The following GFOD2 variants were observed in gnomAD, a reference collection of about 807,000 sequenced individuals.
The protein encoded by GFOD2 is Gfo/Idh/MocA-like oxidoreductase domain containing 2.
Under a neutral mutation model 24.6 loss-of-function variants are expected in GFOD2, and 9 were observed. The observed-to-expected ratio is 0.37, with a 90% CI of 0.22 to 0.64. The LOEUF is 0.64. Ranked by LOEUF, GFOD2 falls within the 30% of genes least tolerant of loss-of-function variation. GFOD2 has a pLI of 0.65. For missense variants in GFOD2, 476 were observed against 532.5 expected (o/e 0.89, Z 1.04); for synonymous variants, 211 against 224.8 (o/e 0.94, Z 0.55).
chr16:67,685,039 C>G (rs1478321873), intron 2 of GFOD2: 2 of 1,105,446 alleles, frequency 1.8e-6, no homozygotes, highest in Non-Finnish European at 2.2e-6. Flanking sequence ...GCTGACAAAA[C>G]ATGGGAAATG....
chr16:67,675,359 G>A lies in GFOD2; in HGVS notation c.954C>T (p.Phe318=), dbSNP rs34895002. The part of the protein sequence containing the change: ...VYMVQALRQS[F]QGQGDRRTWD... ...AGGTGCGGCGGTCGCCCTGCCCCTG[G>A]AAGGACTGGCGCAAGGCCTGCACCA... is the stretch of plus-strand genomic sequence containing the variant. Residue 318 remains phenylalanine, a synonymous_variant, in exon 3 of 3, where the codon TTC becomes TTT. Coordinates refer to ENST00000268797, the MANE Select transcript of GFOD2 (RefSeq NM_030819.4). 0.018 allele frequency: 29,603 copies of A among 1,613,216 alleles called. 358 individuals are homozygous for A. The highest frequency in any genetic ancestry group is 0.052 in the Middle Eastern group (316 of 6,062).
intron 1 of GFOD2, among the ~76,000 whole-genome samples, chr16:67,690,773 A>C (rs560524046): frequency 6.6e-6 from 1 of 152,300 alleles, no homozygotes; most frequent in African/African-American, 2.4e-5. Flanking sequence ...AATCTCTAAC[A>C]CAACTATTTT....
At chr16:67,682,771 A>G in intron 2 of GFOD2, 1 of 985,404 alleles carries the variant, frequency 1.0e-6, no homozygotes, top group Non-Finnish European at 1.2e-6. Flanking sequence ...GAAAAATCAC[A>G]GCACGAAGAC....
At chr16:67,708,344 G>A (rs1344038517) in intron 1 of GFOD2, among the ~76,000 whole-genome samples, 2 of 152,112 alleles carry the variant, frequency 1.3e-5, no homozygotes, top group Admixed American at 6.5e-5. Flanking sequence ...TACAGGCTGG[G>A]GCCAAGAGAA....
intron 1 of GFOD2, among the ~76,000 whole-genome samples, chr16:67,705,974 G>C (rs1044071864): frequency 2.1e-4 from 29 of 140,970 alleles, no homozygotes; most frequent in Non-Finnish European, 3.1e-4. Flanking sequence ...GGTTTTCCCT[G>C]TGATTTTTTT....
intron 1 of GFOD2, among the ~76,000 whole-genome samples, chr16:67,690,365 G>A (rs902346232): frequency 2.6e-5 from 4 of 150,960 alleles, no homozygotes; most frequent in African/African-American, 9.7e-5. Context: ...TTGGTTAGCC[G>A]TTCTGATGGA....
Position 67,675,349 on chromosome 16 carries a change from C to T in GFOD2, c.964G>A (p.Gly322Ser), listed in dbSNP as rs1316053520. 1.2e-6 allele frequency: 2 copies of T among 1,613,320 alleles called. No homozygotes were observed. Among genetic ancestry groups the T allele is most frequent in the Admixed American group, 1.7e-5 (1 of 60,028 alleles). Residue 322 changes from glycine (G) to serine (S), a missense_variant, in exon 3 of 3, where the codon GGC becomes AGC. Transcript: ENST00000268797. ...QALRQSFQGQ[G>S]DRRTWDRTPV... ...GTGCGGTCCCAGGTGCGGCGGTCGCCCTGCCCCTGGAAGGACTGGCGCAAG... is the reference window on the plus strand; with the variant it reads ...GTGCGGTCCCAGGTGCGGCGGTCGCTCTGCCCCTGGAAGGACTGGCGCAAG...
At chr16:67,712,384 T>TG (rs2142997718) in intron 1 of GFOD2, among the ~76,000 whole-genome samples, 1 of 131,922 alleles carries the variant, frequency 7.6e-6, no homozygotes, top group South Asian at 2.8e-4. Flanking sequence ...GCAACCTCCC[T>TG]GCCTGATTCT....
At chr16:67,713,881 C>G (rs1304603784) in intron 1 of GFOD2, among the ~76,000 whole-genome samples, 1 of 152,056 alleles carries the variant, frequency 6.6e-6, no homozygotes, top group African/African-American at 2.4e-5. Context: ...CAGTCCCCAG[C>G]CTGAAACTAC....
chr16:67,700,780 C>T (rs1246453106), intron 1 of GFOD2, among the ~76,000 whole-genome samples: 1 of 146,444 alleles, frequency 6.8e-6, no homozygotes, highest in East Asian at 2.1e-4. Flanking sequence ...TGCCTGTAAT[C>T]CCAGCACTTT....
At chr16:67,684,598 A>G in intron 2 of GFOD2, 1 of 231,764 alleles carries the variant, frequency 4.3e-6, no homozygotes, top group Non-Finnish European at 7.1e-6. Context: ...TGGGAGGCTG[A>G]GGCAGGAGAA....
chr16:67,691,302 G>T (rs1401965592), intron 1 of GFOD2, among the ~76,000 whole-genome samples: 2 of 152,116 alleles, frequency 1.3e-5, no homozygotes, highest in East Asian at 3.9e-4. Flanking sequence ...CAACCTCACA[G>T]GCTCAAGGGA....
chr16:67,678,915 C>T (rs1234094040), intron 2 of GFOD2, among the ~76,000 whole-genome samples: 1 of 152,182 alleles, frequency 6.6e-6, no homozygotes, highest in Non-Finnish European at 1.5e-5. Context: ...CGCTTATAAT[C>T]CCAGCACTTT....
At chr16:67,676,318 A>C in intron 2 of GFOD2, 1 of 434,236 alleles carries the variant, frequency 2.3e-6, no homozygotes, top group Non-Finnish European at 4.1e-6. Flanking sequence ...TTTTGTAGAG[A>C]TGGGGTCCTC....
rs975882277 is a variant in GFOD2 at position 67,674,845 on chromosome 16, G to C, written c.*310C>G. ...TGCTTTCTCACCCTGTTAGGACTGCGGATCAGGCTGAAGGGCTCCCCAGGG... is the reference window on the plus strand; with the variant it reads ...TGCTTTCTCACCCTGTTAGGACTGCCGATCAGGCTGAAGGGCTCCCCAGGG... On this transcript the variant is annotated 3_prime_UTR_variant, in exon 3 of 3. Coordinates refer to ENST00000268797, the MANE Select transcript of GFOD2 (RefSeq NM_030819.4). The C allele has an allele frequency of 1.8e-5, 6 of 342,810 alleles. No individual in the cohort carries two copies. The highest frequency in any genetic ancestry group is 3.2e-5 in the Non-Finnish European group (6 of 186,610). 21.2% of individuals were successfully genotyped at this position (342,810 alleles called of 1,614,324 possible).
rs114819830 is a variant in GFOD2 at position 67,683,255 on chromosome 16, T to C, written c.259+2202A>G. The stretch of plus-strand genomic sequence containing the variant: ...AAGAACCAGAAAAAAAGCAAGCTTG[T>C]TGCCAAAGAACCCTGGGGTTTCCTC... On this transcript the variant is annotated intron_variant, in intron 2 of 2. Transcript: ENST00000268797. 228 of 1,121,578 alleles carry C rather than the reference T, an allele frequency of 2.0e-4. 1 individual carries two copies. In the African/African-American group the frequency reaches 3.4e-3, roughly 17 times the overall value. The allele number at this position is 1,121,578 out of a possible 1,614,324, so 69.5% of individuals were successfully genotyped here. A position where few individuals can be genotyped will look rare whatever the true frequency, so the allele number is the denominator to read the frequency against.
At chr16:67,705,713 C>T (rs1285431193) in intron 1 of GFOD2, among the ~76,000 whole-genome samples, 4 of 151,864 alleles carry the variant, frequency 2.6e-5, no homozygotes, top group African/African-American at 4.8e-5. Context: ...CCAAGGCGGG[C>T]GGATCACTTG....
chr16:67,687,808 TAAAA>T (rs11302700), intron 1 of GFOD2, among the ~76,000 whole-genome samples: 4 of 121,470 alleles, frequency 3.3e-5, no homozygotes, highest in Admixed American at 8.5e-5. Context: ...CCATCTTTAC[TAAAA>T]AAAAAAAAAA....
chr16:67,688,461 T>C (rs1013009687), intron 1 of GFOD2, among the ~76,000 whole-genome samples: 7 of 152,098 alleles, frequency 4.6e-5, no homozygotes, highest in Admixed American at 3.9e-4. Context: ...GGTTATACAA[T>C]AAAGAACAAA....
Sources: gnomAD v4.1 joint callset for allele counts (sites outside exome capture counted in the v4.1 genomes callset) on GRCh38, gnomAD v4.1.1 for gene constraint, MANE v1.5 for transcripts, NCBI Gene and HGNC (gene_info 2026-07-23, HGNC 2026-07-21) for gene names.